The following ADGRL2 variants were observed in gnomAD, a reference collection of about 807,000 sequenced individuals.
The protein encoded by ADGRL2 is adhesion G protein-coupled receptor L2.
A neutral mutation model predicts 157.4 loss-of-function variants in ADGRL2; 44 were observed. The observed-to-expected ratio is 0.28, with a 90% CI of 0.22 to 0.36. The LOEUF (loss-of-function observed/expected upper bound fraction) is 0.36, where lower values mean the gene tolerates loss of function less well. Ranked by LOEUF, ADGRL2 falls within the 10% of genes least tolerant of loss-of-function variation. The pLI, the probability that ADGRL2 is intolerant of heterozygous loss-of-function variation, is 1.00. For synonymous variants in ADGRL2, 585 were observed against 624.7 expected (o/e 0.94, Z 0.95); for missense variants, 1,510 against 1,768.9 (o/e 0.85, Z 2.63).
At position 81,907,305 on chromosome 1, in the gene ADGRL2, G is replaced by A. The variant is rs182256864; in HGVS notation, c.287+75G>A. 1,786 of 1,279,502 alleles carry A rather than the reference G, an allele frequency of 1.4e-3. 4 individuals are homozygous for A. Among genetic ancestry groups the A allele is most frequent in the Non-Finnish European group, 1.8e-3 (1,597 of 881,184 alleles). The allele number at this position is 1,279,502 out of a possible 1,614,324, so 79.3% of individuals were successfully genotyped here. Reference sequence around the variant, plus strand: ...GAAAAATTATTACAGTTATTCCAAAGCGAATGGATATAGACCACATCCCAG... The same window carrying A: ...GAAAAATTATTACAGTTATTCCAAAACGAATGGATATAGACCACATCCCAG... On this transcript the variant is annotated intron_variant, in intron 3 of 23. Coordinates refer to ENST00000686636, the MANE Select transcript of ADGRL2 (RefSeq NM_001366006.2).
At chr1:81,706,927 C>A (rs1192673830) in intron 1 of ADGRL2, among the ~76,000 whole-genome samples, 1 of 152,014 alleles carries the variant, frequency 6.6e-6, no homozygotes, top group African/African-American at 2.4e-5. Context: ...TAAGGACTTA[C>A]CAAATGGCTC....
chr1:81,489,734 C>A (rs924254853), intron 2 of ADGRL2, among the ~76,000 whole-genome samples: 1 of 152,222 alleles, frequency 6.6e-6, no homozygotes, highest in Non-Finnish European at 1.5e-5. Flanking sequence ...TCATCGCATA[C>A]AAGGGATCCA....
intron 2 of ADGRL2, among the ~76,000 whole-genome samples, chr1:81,461,929 AAGG>A (rs1197418989): frequency 5.4e-3 from 132 of 24,360 alleles, no homozygotes; most frequent in African/African-American, 0.015. Context: ...GAAAAGAAGA[AAGG>A]GGGGGGGGGG....
At chr1:81,381,042 T>A (rs2076335455) in intron 1 of ADGRL2, among the ~76,000 whole-genome samples, 2 of 152,126 alleles carry the variant, frequency 1.3e-5, no homozygotes, top group Admixed American at 1.3e-4. Context: ...TTTATATATG[T>A]GACTTGGATA....
chr1:81,462,291 GCAGCAAC>G (rs2077952199), intron 2 of ADGRL2, among the ~76,000 whole-genome samples: 1 of 152,216 alleles, frequency 6.6e-6, no homozygotes, highest in Non-Finnish European at 1.5e-5. Flanking sequence ...CCAGCATGCA[GCAGCAAC>G]CTGCTCTGCT....
chr1:81,602,420 C>T (rs966774469), intron 3 of ADGRL2, among the ~76,000 whole-genome samples: 2 of 152,166 alleles, frequency 1.3e-5, no homozygotes, highest in Admixed American at 6.5e-5. Flanking sequence ...TGGTGAAACC[C>T]CGTCTCCACT....
intron 2 of ADGRL2, among the ~76,000 whole-genome samples, chr1:81,453,371 G>A (rs1031836087): frequency 1.3e-5 from 2 of 152,010 alleles, no homozygotes; most frequent in Admixed American, 6.6e-5. Context: ...GACATCTCTC[G>A]GTAAATCAGT....
chr1:81,774,025 C>G (rs1024488019), intron 2 of ADGRL2, among the ~76,000 whole-genome samples: 3 of 152,140 alleles, frequency 2.0e-5, no homozygotes, highest in Non-Finnish European at 2.9e-5. Context: ...AGGAGAGAGG[C>G]CTCAGAAGAA....
chr1:81,403,254 T>G (rs1362020259), intron 1 of ADGRL2, among the ~76,000 whole-genome samples: 1 of 150,392 alleles, frequency 6.6e-6, no homozygotes, highest in Non-Finnish European at 1.5e-5. Flanking sequence ...TGTTTGTTTG[T>G]TTGTTTGTTT....
At chr1:81,679,682 C>A (rs748289420) in intron 3 of ADGRL2, among the ~76,000 whole-genome samples, 5 of 152,076 alleles carry the variant, frequency 3.3e-5, no homozygotes, top group African/African-American at 4.8e-5. Context: ...TCTCCTTTTT[C>A]TATTTATCAA....
chr1:81,516,550 G>A (rs1307158095), intron 2 of ADGRL2, among the ~76,000 whole-genome samples: 3 of 152,172 alleles, frequency 2.0e-5, no homozygotes, highest in Non-Finnish European at 2.9e-5. Flanking sequence ...GTTTTATAGT[G>A]AGCTCTGATC....
intron 3 of ADGRL2, among the ~76,000 whole-genome samples, chr1:81,610,918 C>T (rs2081528675): frequency 6.6e-6 from 1 of 152,128 alleles, no homozygotes. Context: ...GAAATACATA[C>T]TTTTGGTGAT....
intron 3 of ADGRL2, among the ~76,000 whole-genome samples, chr1:81,924,647 A>G (rs1027433136): frequency 2.9e-4 from 44 of 152,038 alleles, no homozygotes; most frequent in African/African-American, 1.0e-3. Context: ...TAGATCGGTG[A>G]TTTTTAAACT....
chr1:81,871,986 T>C (rs1352821161), intron 2 of ADGRL2, among the ~76,000 whole-genome samples: 1 of 152,180 alleles, frequency 6.6e-6, no homozygotes, highest in Non-Finnish European at 1.5e-5. Flanking sequence ...TTTTGGTGTT[T>C]TAGACATGAA....
intron 1 of ADGRL2, among the ~76,000 whole-genome samples, chr1:81,753,576 T>C (rs905946215): frequency 2.0e-5 from 3 of 152,186 alleles, no homozygotes; most frequent in African/African-American, 7.2e-5. Flanking sequence ...TGCCCAAAAG[T>C]ATACTGATAT....
At chr1:81,563,277 C>A (rs1334682875) in intron 2 of ADGRL2, among the ~76,000 whole-genome samples, 4 of 152,086 alleles carry the variant, frequency 2.6e-5, no homozygotes, top group African/African-American at 9.7e-5. Context: ...ATTTTTGTGT[C>A]TTGTAAAATA....
intron 1 of ADGRL2, among the ~76,000 whole-genome samples, chr1:81,374,194 G>A (rs943408803): frequency 1.3e-5 from 2 of 152,108 alleles, no homozygotes; most frequent in Non-Finnish European, 2.9e-5. Context: ...CATTTACCCA[G>A]TTATTGACTC....
chr1:81,402,222 A>G (rs1170226513), intron 1 of ADGRL2, among the ~76,000 whole-genome samples: 1 of 152,176 alleles, frequency 6.6e-6, no homozygotes, highest in Admixed American at 6.5e-5. Context: ...TTCTTAGCCT[A>G]GTGCTCTTAC....
intron 1 of ADGRL2, among the ~76,000 whole-genome samples, chr1:81,719,853 G>T (rs1012341922): frequency 6.6e-6 from 1 of 152,048 alleles, no homozygotes; most frequent in Non-Finnish European, 1.5e-5. Flanking sequence ...TCCTGAGGGG[G>T]CCTTTCTGCA....
Sources: gnomAD v4.1 joint callset for allele counts (sites outside exome capture counted in the v4.1 genomes callset) on GRCh38, gnomAD v4.1.1 for gene constraint, MANE v1.5 for transcripts, NCBI Gene and HGNC (gene_info 2026-07-23, HGNC 2026-07-21) for gene names.